The following PCDHGB7 variants were observed in gnomAD, a reference collection of about 807,000 sequenced individuals.
The protein encoded by PCDHGB7 is protocadherin gamma subfamily B, 7, also known as protocadherin gamma-B7.
In PCDHGB7, 37 loss-of-function variants were observed where a neutral mutation model predicts 61.4. The ratio of observed to expected loss-of-function variants is 0.60; its 90% CI spans 0.46 to 0.79. PCDHGB7 has a LOEUF of 0.79. PCDHGB7 is among the 30% of genes least tolerant of loss of function. PCDHGB7 has a pLI of 0.00. For missense variants in PCDHGB7, 1,166 were observed against 1,202.5 expected (o/e 0.97, Z 0.45); for synonymous variants, 464 against 503.5 (o/e 0.92, Z 1.05).
intron 1 of PCDHGB7, among the ~76,000 whole-genome samples, chr5:141,462,538 C>G (rs565849689): frequency 1.3e-5 from 2 of 152,102 alleles, no homozygotes; most frequent in South Asian, 2.1e-4. Context: ...GTTCAGTGAT[C>G]TTTTCTTCTT....
chr5:141,463,041 G>C (rs1383781857), intron 1 of PCDHGB7, among the ~76,000 whole-genome samples: 1 of 152,114 alleles, frequency 6.6e-6, no homozygotes, highest in African/African-American at 2.4e-5. Flanking sequence ...TGAGTGTTCA[G>C]CAGGGTCTCT....
chr5:141,434,026 A>G (rs2154556044), intron 1 of PCDHGB7, among the ~76,000 whole-genome samples: 1 of 152,236 alleles, frequency 6.6e-6, no homozygotes, highest in Admixed American at 6.5e-5. Flanking sequence ...TGATTCTGGA[A>G]GCATGGTTTT....
intron 1 of PCDHGB7, among the ~76,000 whole-genome samples, chr5:141,429,386 T>TA (rs1561841076): frequency 9.9e-5 from 15 of 151,936 alleles, no homozygotes; most frequent in South Asian, 8.3e-4. Flanking sequence ...TGTTTTTTTT[T>TA]TAAAAAAAAT....
At chr5:141,448,667 G>A (rs1262994760) in intron 1 of PCDHGB7, among the ~76,000 whole-genome samples, 6 of 151,990 alleles carry the variant, frequency 3.9e-5, no homozygotes, top group African/African-American at 9.7e-5. Flanking sequence ...TTGGCCGGGC[G>A]CGGTGGCTCA....
chr5:141,420,669 G>A (rs1018355067), intron 1 of PCDHGB7, among the ~76,000 whole-genome samples: 2 of 152,202 alleles, frequency 1.3e-5, no homozygotes, highest in South Asian at 2.1e-4. Context: ...CATCCTACCT[G>A]ATGATTTTAT....
chr5:141,442,675 G>A (rs1381554808), intron 1 of PCDHGB7, among the ~76,000 whole-genome samples: 1 of 152,248 alleles, frequency 6.6e-6, no homozygotes, highest in Admixed American at 6.5e-5. Context: ...GTGAGCTTGA[G>A]GGACAGTAGT....
chr5:141,427,936 G>A, intron 1 of PCDHGB7: 1 of 1,584,966 alleles, frequency 6.3e-7, no homozygotes, highest in Admixed American at 1.7e-5. Context: ...ATGTTGGTGG[G>A]CGACCTCAAT....
intron 1 of PCDHGB7, chr5:141,424,602 T>G (rs2154550827): frequency 6.6e-6 from 1 of 152,334 alleles, no homozygotes; most frequent in African/African-American, 2.4e-5. Flanking sequence ...GTCTACAGAT[T>G]TATTCAAATA....
intron 1 of PCDHGB7, among the ~76,000 whole-genome samples, chr5:141,462,559 T>G (rs1035231534): frequency 6.6e-6 from 1 of 152,248 alleles, no homozygotes; most frequent in African/African-American, 2.4e-5. Flanking sequence ...CAGTGTTTAC[T>G]GTATTTGCTA....
rs746311453 is a variant in PCDHGB7 at position 141,428,229 on chromosome 5, C to T, written c.2415+7955C>T. On this transcript the variant is annotated intron_variant, in intron 1 of 3. Coordinates refer to ENST00000398594, the MANE Select transcript of PCDHGB7 (RefSeq NM_018927.4). ...CGCTTCACCTAGTCTTCGCAGACAGCCTGCAGGAGGCACTGCCAGACTTCA... is the reference window on the plus strand; with the variant it reads ...CGCTTCACCTAGTCTTCGCAGACAGTCTGCAGGAGGCACTGCCAGACTTCA... 3 of 1,098,554 alleles carry T rather than the reference C, an allele frequency of 2.7e-6. No homozygotes were observed. In the South Asian group the frequency reaches 3.9e-5, roughly 14 times the overall value. The allele number at this position is 1,098,554 out of a possible 1,614,324, so 68.1% of individuals were successfully genotyped here.
intron 1 of PCDHGB7, chr5:141,478,664 C>T (rs2099470287): frequency 1.3e-6 from 2 of 1,551,788 alleles, no homozygotes; most frequent in Non-Finnish European, 1.7e-6. Context: ...GATGCATTCA[C>T]ACTTTCAACT....
In PCDHGB7 at chr5:141,431,370, A is replaced by G; in HGVS notation, c.2415+11096A>G. ...CTGAAACGCGCCCTGGACCGCGAAG[A>G]AAAGGCTGCTCACCACCTGGTCCTT... is the stretch of plus-strand genomic sequence containing the variant. On this transcript the variant is annotated intron_variant, in intron 1 of 3. Coordinates refer to ENST00000398594, the MANE Select transcript of PCDHGB7 (RefSeq NM_018927.4). The surrounding 1 kb of genome is among the most constrained non-coding windows in gnomAD (Gnocchi z 4.8). 1 of 1,613,946 alleles carries G rather than the reference A, an allele frequency of 6.2e-7. No homozygotes were observed. The highest frequency in any genetic ancestry group is 8.5e-7 in the Non-Finnish European group (1 of 1,180,014).
chr5:141,510,995 G>T lies in PCDHGB7; in HGVS notation c.2612G>T (p.Gly871Val). ...STLGGGAGTM[G>V]LSARYGPQFT... is the part of the protein sequence containing the mutation. ...CTGGGAGGGGGTGCCGGCACCATGG[G>T]ATTGAGCGCCCGCTACGGACCCCAG... is the stretch of plus-strand genomic sequence containing the variant. Residue 871 changes from glycine to valine, a missense_variant, in exon 4 of 4, where the codon GGA becomes GTA. Physicochemically the swap from Gly to Val is moderately radical, Grantham distance 109. Coordinates refer to ENST00000398594, the MANE Select transcript of PCDHGB7 (RefSeq NM_018927.4). The T allele has an allele frequency of 6.2e-7, 1 of 1,614,172 alleles. No individual in the cohort carries two copies. Among genetic ancestry groups the T allele is most frequent in the Non-Finnish European group, 8.5e-7 (1 of 1,180,018 alleles).
rs138542775 is a variant in PCDHGB7, at chr5:141,491,313, C to T, written c.2416-3494C>T. ...ACCCTCCTGAGCGTTCAGACCTTAC[C>T]CTTTACCTCATTGTGGCTCTAGCGA... On this transcript the variant is annotated intron_variant, in intron 1 of 3. Transcript: ENST00000398594. This position sits in a 1 kb window ranked among gnomAD's most constrained non-coding sequence, Gnocchi z 6.9. 405 of 1,614,154 alleles carry T rather than the reference C, an allele frequency of 2.5e-4. 2 individuals are homozygous for T. In the African/African-American group the frequency reaches 4.5e-3, roughly 18 times the overall value.
Position 141,454,887 on chromosome 5 carries a change from T to C in PCDHGB7, c.2415+34613T>C, listed in dbSNP as rs1291501766. Among the ~76,000 whole-genome samples, 3 of 138,310 alleles carry C rather than the reference T, an allele frequency of 2.2e-5. No homozygotes were observed. The Admixed American group carries it at 2.3e-4, about 11-fold the overall frequency. 90.7% of individuals were successfully genotyped at this position (138,310 alleles called of 152,430 possible). A position where few individuals can be genotyped will look rare whatever the true frequency, so the allele number is the denominator to read the frequency against. ...CAGTGGCACGATCTTGGCTCACTGC[T>C]AGCACCGCCTCCCGGGTTCACGCCA... On this transcript the variant is annotated intron_variant, in intron 1 of 3. Coordinates refer to ENST00000398594, the MANE Select transcript of PCDHGB7 (RefSeq NM_018927.4).
In PCDHGB7 at chr5:141,420,606, G is replaced by A. The variant is rs141099124; in HGVS notation, c.2415+332G>A. On this transcript the variant is annotated intron_variant, in intron 1 of 3. Coordinates refer to ENST00000398594, the MANE Select transcript of PCDHGB7 (RefSeq NM_018927.4). Reference sequence around the variant, plus strand: ...CCTGATGCTACTCAATTTTTCTCAAGTATTTCATCTTCATTTACTCAATAA... The same window carrying A: ...CCTGATGCTACTCAATTTTTCTCAAATATTTCATCTTCATTTACTCAATAA... Among the ~76,000 whole-genome samples the A allele has an allele frequency of 2.7e-3, 411 of 152,256 alleles. 1 individual carries two copies. Among genetic ancestry groups the A allele is most frequent in the African/African-American group, 9.4e-3 (392 of 41,546 alleles).
rs775963212 is a variant in PCDHGB7, at chr5:141,485,463, G to T, written c.2416-9344G>T. ...CCAATCGACCGAGAGGCACTGTGTG[G>T]GCTCAGTGCCAGCTGCATCGTGCCC... On this transcript the variant is annotated intron_variant, in intron 1 of 3. Coordinates refer to ENST00000398594, the MANE Select transcript of PCDHGB7 (RefSeq NM_018927.4). The surrounding 1 kb of genome is among the most constrained non-coding windows in gnomAD (Gnocchi z 5.7). The T allele has an allele frequency of 1.2e-6, 2 of 1,614,086 alleles. No individual in the cohort carries two copies. The highest frequency in any genetic ancestry group is 3.3e-5 in the Admixed American group (2 of 60,026).
intron 2 of PCDHGB7, among the ~76,000 whole-genome samples, chr5:141,499,868 A>G (rs2099794957): frequency 6.6e-6 from 1 of 152,024 alleles, no homozygotes; most frequent in Non-Finnish European, 1.5e-5. Context: ...TTGTATTTTC[A>G]GTACAAACAG....
chr5:141,435,591 T>G (rs1197622032), intron 1 of PCDHGB7, among the ~76,000 whole-genome samples: 1 of 152,206 alleles, frequency 6.6e-6, no homozygotes, highest in Admixed American at 6.5e-5. Flanking sequence ...TGCAGTAATA[T>G]CGCCTGCTTT....
Sources: gnomAD v4.1 joint callset for allele counts (sites outside exome capture counted in the v4.1 genomes callset) on GRCh38, gnomAD v4.1.1 for gene constraint, Gnocchi (gnomAD v3.1) non-coding constraint, MANE v1.5 for transcripts, NCBI Gene and HGNC (gene_info 2026-07-23, HGNC 2026-07-21) for gene names.